WDR72: variants seen among roughly 807,000 people sequenced by gnomAD.
WDR72 encodes WD repeat domain 72.
In WDR72, 120 loss-of-function variants were observed where a neutral mutation model predicts 124.2. That is an observed-to-expected ratio of 0.97 (90% CI 0.83 to 1.12). WDR72 has a LOEUF of 1.12. WDR72 is among the 50% of genes most tolerant of loss of function. WDR72 has a pLI of 0.00. For missense variants in WDR72, 1,387 were observed against 1,278.8 expected (o/e 1.08, Z -1.29); for synonymous variants, 452 against 441.7 (o/e 1.02, Z -0.29).
At position 53,575,469 on chromosome 15, in the gene WDR72, T is replaced by C. The variant is rs546581817; in HGVS notation, c.3148+21610A>G. On this transcript the variant is annotated intron_variant, in intron 18 of 19. Coordinates refer to ENST00000360509, the MANE Select transcript of WDR72 (RefSeq NM_182758.4). ...TCCCTGTTTCAAAATGTGGTAACCCTGTATATCCCATAACACAACTTTACT... is the reference window on the plus strand; with the variant it reads ...TCCCTGTTTCAAAATGTGGTAACCCCGTATATCCCATAACACAACTTTACT... Among the ~76,000 whole-genome samples the C allele has an allele frequency of 3.3e-5, 5 of 152,264 alleles. No homozygotes were observed. The East Asian group carries it at 5.8e-4, about 18-fold the overall frequency.
chr15:53,528,997 A>C (rs1375706901), intron 18 of WDR72, among the ~76,000 whole-genome samples: 1 of 151,774 alleles, frequency 6.6e-6, no homozygotes, highest in Non-Finnish European at 1.5e-5. Context: ...TTAAGGGAAA[A>C]TCTCAAGGTC....
At position 53,733,020 on chromosome 15, in the gene WDR72, A is replaced by G. The variant is rs757413565; in HGVS notation, c.130T>C (p.Trp44Arg). 3 of 1,614,012 alleles carry G rather than the reference A, an allele frequency of 1.9e-6. No homozygotes were observed. The East Asian group carries it at 6.7e-5, about 36-fold the overall frequency. Reference sequence around the variant, plus strand: ...ACCTTTAGTTCATGTGAGAGATTCCAGAGACAGAGCTGACCCTCTTGACTT... The same window carrying G: ...ACCTTTAGTTCATGTGAGAGATTCCGGAGACAGAGCTGACCCTCTTGACTT... ...TGSQEGQLCL[W>R]NLSHELKISA... The change falls in exon 2 of 20, where the codon TGG (tryptophan) becomes CGG (arginine). Residue 44 changes from tryptophan (W) to arginine (R), a missense_variant. By Grantham distance (101) the Trp-to-Arg change is moderately radical. Coordinates refer to ENST00000360509, the MANE Select transcript of WDR72 (RefSeq NM_182758.4).
chr15:53,717,788 T>C (rs994149496), intron 3 of WDR72, among the ~76,000 whole-genome samples: 2 of 152,128 alleles, frequency 1.3e-5, no homozygotes, highest in Admixed American at 6.6e-5. Context: ...AATAATATTC[T>C]AGAAATACAC....
chr15:53,534,883 C>G (rs898072517), intron 18 of WDR72, among the ~76,000 whole-genome samples: 5 of 152,130 alleles, frequency 3.3e-5, no homozygotes, highest in African/African-American at 1.2e-4. Flanking sequence ...TAAAATACTT[C>G]CCTGGGGCTA....
Position 53,746,429 on chromosome 15 carries a change from A to C in WDR72, c.-13+13204T>G, listed in dbSNP as rs78962565. Among the ~76,000 whole-genome samples the C allele has an allele frequency of 4.8e-3, 724 of 152,336 alleles. 7 individuals are homozygous for C. The highest frequency in any genetic ancestry group is 0.017 in the African/African-American group (703 of 41,574). On this transcript the variant is annotated intron_variant, in intron 1 of 19. Coordinates refer to ENST00000360509, the MANE Select transcript of WDR72 (RefSeq NM_182758.4). ...GGACAGCCCACTAGAAACACAAAGG[A>C]TAAAGTTCCTGGTTACAATGCATGA...
intron 14 of WDR72, among the ~76,000 whole-genome samples, chr15:53,632,630 G>T (rs1181773974): frequency 1.3e-5 from 2 of 152,222 alleles, no homozygotes; most frequent in Non-Finnish European, 2.9e-5. Flanking sequence ...GCATTCAACA[G>T]CCCATGAGAG....
chr15:53,526,768 C>T (rs1462038375), intron 18 of WDR72, among the ~76,000 whole-genome samples: 2 of 152,040 alleles, frequency 1.3e-5, no homozygotes, highest in Non-Finnish European at 2.9e-5. Context: ...CTTTTGACAT[C>T]AATATAATGC....
In WDR72 at chr15:53,705,131, G is replaced by A. The variant is rs368624639; in HGVS notation, c.1205C>T (p.Ala402Val). The A allele has an allele frequency of 2.0e-5, 33 of 1,614,082 alleles. 1 individual carries two copies. The African/African-American group carries it at 4.4e-4, about 22-fold the overall frequency. ...TGATGAAGTGACTACAGCAGTTCCT[G>A]CCCCATCTTTAAGCCCAGAGAAATA... The part of the protein sequence containing the change: ...IDYFSGLKDG[A>V]GTAVVTSSEY... Residue 402 changes from alanine (A) to valine (V), a missense_variant, in exon 11 of 20, where the codon GCA becomes GTA. Physicochemically the swap from Ala to Val is moderately conservative, Grantham distance 64. Transcript: ENST00000360509.
intron 1 of WDR72, among the ~76,000 whole-genome samples, chr15:53,755,920 A>T (rs2018890879): frequency 6.6e-6 from 1 of 152,224 alleles, no homozygotes; most frequent in African/African-American, 2.4e-5. Flanking sequence ...TATCAACCAC[A>T]CCTTCTCACT....
intron 17 of WDR72, among the ~76,000 whole-genome samples, chr15:53,599,483 A>G (rs1021371233): frequency 3.3e-5 from 5 of 152,196 alleles, no homozygotes; most frequent in African/African-American, 7.2e-5. Flanking sequence ...CTTAAAAAAC[A>G]GTCTGTGATA....
chr15:53,596,104 G>A lies in WDR72; in HGVS notation c.3148+975C>T, dbSNP rs138546126. Among the ~76,000 whole-genome samples the A allele has an allele frequency of 1.3e-3, 194 of 152,168 alleles. 2 individuals carry two copies. The East Asian group carries it at 0.035, about 27-fold the overall frequency. On this transcript the variant is annotated intron_variant, in intron 18 of 19. Transcript: ENST00000360509. ...TGTTTTAAGATTTAACATTTCATAT[G>A]TAGTAACATTGCTCCTAGTCCTGAA...
chr15:53,533,713 C>T (rs935818338), intron 18 of WDR72, among the ~76,000 whole-genome samples: 1 of 152,112 alleles, frequency 6.6e-6, no homozygotes, highest in African/African-American at 2.4e-5. Context: ...GCTCACTGTC[C>T]CCTGGATATG....
At chr15:53,599,200 C>T (rs2012927712) in intron 17 of WDR72, among the ~76,000 whole-genome samples, 1 of 151,946 alleles carries the variant, frequency 6.6e-6, no homozygotes, top group East Asian at 1.9e-4. Context: ...ATATATATCA[C>T]AATATTGGTA....
rs115482582 is a variant in WDR72, at chr15:53,602,101, T to C, written c.2953-4827A>G. 8.4e-3 allele frequency among the ~76,000 whole-genome samples: 1,280 copies of C among 152,152 alleles called. 22 individuals are homozygous for C. The highest frequency in any genetic ancestry group is 0.03 in the African/African-American group (1,236 of 41,544). On this transcript the variant is annotated intron_variant, in intron 17 of 19. Transcript: ENST00000360509. ...TCATAATTGGAAGTAAAACACTCCT[T>C]AGCAAATGCAAAATAACTGAAATCA...
chr15:53,606,520 T>A (rs111813669), intron 17 of WDR72, among the ~76,000 whole-genome samples: 34 of 152,120 alleles, frequency 2.2e-4, no homozygotes, highest in African/African-American at 8.2e-4. Context: ...CAAGCTTATA[T>A]AACAGCGAGA....
At chr15:53,712,656 TG>T in intron 7 of WDR72, 115 bp downstream of exon 7, 1 of 1,078,844 alleles carries the variant, frequency 9.3e-7, no homozygotes, top group Non-Finnish European at 1.3e-6. Flanking sequence ...TTCCATGTTC[TG>T]GTAATACTAT....
chr15:53,579,284 C>A (rs2011788735), intron 18 of WDR72, among the ~76,000 whole-genome samples: 2 of 151,996 alleles, frequency 1.3e-5, no homozygotes, highest in Non-Finnish European at 1.5e-5. Context: ...GCAATTGCCC[C>A]AGGACAGGTT....
intron 18 of WDR72, among the ~76,000 whole-genome samples, chr15:53,571,101 G>A (rs1442479826): frequency 6.6e-6 from 1 of 151,870 alleles, no homozygotes; most frequent in Non-Finnish European, 1.5e-5. Context: ...AAGTACACAG[G>A]GACACAAAAA....
At chr15:53,572,429 C>T (rs1466801379) in intron 18 of WDR72, among the ~76,000 whole-genome samples, 1 of 151,788 alleles carries the variant, frequency 6.6e-6, no homozygotes, top group Non-Finnish European at 1.5e-5. Context: ...TTTTGCCCTA[C>T]CTATGATATT....
Sources: allele counts gnomAD v4.1 joint callset (sites outside exome capture counted in the v4.1 genomes callset), GRCh38; gene constraint gnomAD v4.1.1; transcripts MANE v1.5; gene names NCBI Gene and HGNC (gene_info 2026-07-23, HGNC 2026-07-21).